Variants in PKNOX2 observed in about 807,000 individuals in gnomAD.
The protein encoded by PKNOX2 is PBX/knotted 1 homeobox 2, also known as homeobox protein PKNOX2.
Under a neutral mutation model 53.1 loss-of-function variants are expected in PKNOX2, and 14 were observed. The observed-to-expected ratio is 0.26, with a 90% confidence interval of 0.17 to 0.41. The LOEUF (loss-of-function observed/expected upper bound fraction) is 0.41. Among genes scored for constraint, PKNOX2 ranks in the 10% least tolerant of loss-of-function variants. PKNOX2 has a pLI of 1.00. For synonymous variants in PKNOX2, 257 were observed against 242.8 expected (o/e 1.06, Z -0.54); for missense variants, 496 against 602.8 (o/e 0.82, Z 1.85).
intron 2 of PKNOX2, among the ~76,000 whole-genome samples, chr11:125,247,571 C>G (rs563642128): frequency 6.6e-6 from 1 of 152,212 alleles, no homozygotes; most frequent in African/African-American, 2.4e-5. Context: ...CTTCCCCTCT[C>G]GTTAGCCTTT....
intron 1 of PKNOX2, among the ~76,000 whole-genome samples, chr11:125,202,584 C>T (rs748243004): frequency 6.6e-6 from 1 of 152,112 alleles, no homozygotes; most frequent in Admixed American, 6.5e-5. Flanking sequence ...GTGTCCAGGC[C>T]GACAGAGTGC....
intron 1 of PKNOX2, among the ~76,000 whole-genome samples, chr11:125,233,505 G>A (rs1942406352): frequency 6.6e-6 from 1 of 152,208 alleles, no homozygotes; most frequent in African/African-American, 2.4e-5. Flanking sequence ...GATATTTACT[G>A]AGAACCCAGC....
chr11:125,299,796 G>A (rs66952451), intron 2 of PKNOX2, among the ~76,000 whole-genome samples: 22,962 of 152,072 alleles, frequency 0.15, 1,892 homozygotes, highest in East Asian at 0.24. Context: ...TCCCCCCACC[G>A]GGCTGCTCTG....
In PKNOX2 at chr11:125,240,738, G is replaced by A. The variant is rs1022462114; in HGVS notation, c.-130+5623G>A. On this transcript the variant is annotated intron_variant, in intron 2 of 12. Coordinates refer to ENST00000298282, the MANE Select transcript of PKNOX2 (RefSeq NM_001382323.2). This position sits in a 1 kb window ranked among gnomAD's most constrained non-coding sequence, Gnocchi z 4.3. ...GGGAGAACCGGGAGGCTTATAAGAA[G>A]GTTCTGAAGGGTTTCCAAGTGCTGC... Among the ~76,000 whole-genome samples the A allele has an allele frequency of 6.6e-6, 1 of 152,196 alleles. No individual in the cohort carries two copies. The highest frequency in any genetic ancestry group is 6.5e-5 in the Admixed American group (1 of 15,292).
At position 125,233,638 on chromosome 11, in the gene PKNOX2, C is replaced by T. The variant is rs957709276; in HGVS notation, c.-200-1407C>T. On this transcript the variant is annotated intron_variant, in intron 1 of 12. Coordinates refer to ENST00000298282, the MANE Select transcript of PKNOX2 (RefSeq NM_001382323.2). The stretch of plus-strand genomic sequence containing the variant: ...CTGAGGCACCTCCATGAGCTATGAG[C>T]CTTGATCATGCAGGTGTAAGGAGAC... 4.1e-4 allele frequency among the ~76,000 whole-genome samples: 63 copies of T among 152,288 alleles called. 1 individual carries two copies. The highest frequency in any genetic ancestry group is 3.4e-3 in the Middle Eastern group (1 of 294).
intron 1 of PKNOX2, among the ~76,000 whole-genome samples, chr11:125,212,627 A>G (rs1940003296): frequency 6.6e-6 from 1 of 151,534 alleles, no homozygotes; most frequent in Non-Finnish European, 1.5e-5. Flanking sequence ...CTGAACAGAG[A>G]GGGAAGAGAG....
chr11:125,328,984 G>A (rs1299311877), intron 2 of PKNOX2, among the ~76,000 whole-genome samples: 1 of 152,198 alleles, frequency 6.6e-6, no homozygotes, highest in Non-Finnish European at 1.5e-5. Flanking sequence ...TTTGGACTTG[G>A]CAATTCCACA....
chr11:125,406,844 G>A (rs1270616836), intron 7 of PKNOX2, among the ~76,000 whole-genome samples: 2 of 138,878 alleles, frequency 1.4e-5, no homozygotes, highest in East Asian at 4.5e-4. Flanking sequence ...ACCATCACAA[G>A]GAAGTTTTTA....
intron 1 of PKNOX2, among the ~76,000 whole-genome samples, chr11:125,203,260 A>G (rs907205723): frequency 4.6e-5 from 7 of 152,172 alleles, no homozygotes; most frequent in African/African-American, 1.4e-4. Flanking sequence ...TCAGACCACA[A>G]GTGCGCTAAT....
intron 10 of PKNOX2, among the ~76,000 whole-genome samples, chr11:125,416,119 C>T (rs898579553): frequency 4.7e-4 from 71 of 151,516 alleles, no homozygotes; most frequent in Non-Finnish European, 7.2e-4. Context: ...CCGGCTAAAA[C>T]GGTGAAACCC....
At chr11:125,200,816 G>A (rs376559549) in intron 1 of PKNOX2, among the ~76,000 whole-genome samples, 5 of 152,310 alleles carry the variant, frequency 3.3e-5, no homozygotes, top group East Asian at 1.9e-4. Flanking sequence ...GATGAGGAAC[G>A]GTTAAGCAAC....
At chr11:125,258,488 G>A (rs970861268) in intron 2 of PKNOX2, 9 of 152,536 alleles carry the variant, frequency 5.9e-5, no homozygotes, top group African/African-American at 1.9e-4. Context: ...ACAGATAATT[G>A]GGCTGGCATT....
rs1955564593 is a variant in PKNOX2 at position 125,411,762 on chromosome 11, C to T, written c.833C>T (p.Thr278Ile). The T allele has an allele frequency of 1.9e-6, 3 of 1,614,144 alleles. No individual in the cohort carries two copies. The highest frequency in any genetic ancestry group is 2.2e-5 in the South Asian group (2 of 91,080). ...IQNTQVNLDL[T>I]SLLDNEDKKS... ...GCCCTGAAGGTTAACCTTGACCTCACCTCCCTCCTGGACAATGAGGATAAG... is the reference window on the plus strand; with the variant it reads ...GCCCTGAAGGTTAACCTTGACCTCATCTCCCTCCTGGACAATGAGGATAAG... Residue 278 changes from threonine to isoleucine, a missense_variant, in exon 10 of 13, where the codon ACC (threonine) becomes ATC (isoleucine). This residue lies in a region of PKNOX2 where 141 missense variants were observed against 143.9 expected (regional missense o/e 0.98). Transcript: ENST00000298282.
intron 2 of PKNOX2, among the ~76,000 whole-genome samples, chr11:125,293,077 G>A (rs750577346): frequency 6.6e-6 from 1 of 152,146 alleles, no homozygotes; most frequent in Non-Finnish European, 1.5e-5. Context: ...ACACATGCTT[G>A]TATATGCATA....
chr11:125,402,906 A>G (rs1015503671), intron 7 of PKNOX2, among the ~76,000 whole-genome samples: 2 of 152,192 alleles, frequency 1.3e-5, no homozygotes, highest in African/African-American at 4.8e-5. Context: ...AGTGGAGAGG[A>G]CAACAGGAGG....
At chr11:125,390,910 CT>C (rs1266202617) in intron 6 of PKNOX2, among the ~76,000 whole-genome samples, 2 of 152,150 alleles carry the variant, frequency 1.3e-5, no homozygotes, top group East Asian at 1.9e-4. Context: ...TGGTATTCAC[CT>C]TTTTTTCATG....
intron 7 of PKNOX2, among the ~76,000 whole-genome samples, chr11:125,407,768 T>G (rs1219524799): frequency 6.6e-6 from 1 of 152,078 alleles, no homozygotes; most frequent in Non-Finnish European, 1.5e-5. Flanking sequence ...AAAAGTAAAT[T>G]TACCTTCCGA....
At chr11:125,335,397 C>T (rs892818568) in intron 3 of PKNOX2, among the ~76,000 whole-genome samples, 14 of 152,180 alleles carry the variant, frequency 9.2e-5, no homozygotes, top group South Asian at 6.2e-4. Flanking sequence ...TCTCTGGGCC[C>T]CACATGTGTT....
rs1000644171 is a variant in PKNOX2 at position 125,240,934 on chromosome 11, A to C, written c.-130+5819A>C. On this transcript the variant is annotated intron_variant, in intron 2 of 12. Transcript: ENST00000298282. The surrounding 1 kb of genome is among the most constrained non-coding windows in gnomAD (Gnocchi z 4.3). ...AAGAGGAAAATACCTCATTAGACCC[A>C]TTTATCATCAGAGCTAGCCAAGGAG... 1.3e-5 allele frequency among the ~76,000 whole-genome samples: 2 copies of C among 152,202 alleles called. No homozygotes were observed. Among genetic ancestry groups the C allele is most frequent in the African/African-American group, 4.8e-5 (2 of 41,452 alleles).
Sources: allele counts gnomAD v4.1 joint callset (sites outside exome capture counted in the v4.1 genomes callset), GRCh38; gene constraint gnomAD v4.1.1; regional missense constraint gnomAD v4.1.1; non-coding constraint Gnocchi (gnomAD v3.1); transcripts MANE v1.5; gene names NCBI Gene and HGNC (gene_info 2026-07-23, HGNC 2026-07-21).